The following LYSMD2 variants were observed in gnomAD, a reference collection of about 807,000 sequenced individuals.
LYSMD2 encodes LysM domain containing 2.
Under a neutral mutation model 17.7 loss-of-function variants are expected in LYSMD2, and 6 were observed. That is an observed-to-expected ratio of 0.34 (90% CI 0.19 to 0.67). LYSMD2 has a LOEUF of 0.67. Ranked by LOEUF, LYSMD2 falls within the 30% of genes least tolerant of loss-of-function variation. LYSMD2 has a pLI of 0.69. For missense variants in LYSMD2, 237 were observed against 286.7 expected, an observed-to-expected ratio of 0.83 and a Z score of 1.25; for synonymous variants, 102 against 129.8, an observed-to-expected ratio of 0.79 and a Z score of 1.45.
At chr15:51,729,898 T>C (rs2096693304) in intron 1 of LYSMD2, among the ~76,000 whole-genome samples, 1 of 152,246 alleles carries the variant, frequency 6.6e-6, no homozygotes, top group South Asian at 2.1e-4. Flanking sequence ...ACCTACCCTC[T>C]GTTCAACACT....
chr15:51,741,795 C>G (rs2055644097), upstream of LYSMD2, among the ~76,000 whole-genome samples: 1 of 152,004 alleles, frequency 6.6e-6, no homozygotes, highest in East Asian at 1.9e-4. Flanking sequence ...TGGCAGGTGC[C>G]TGTAATCCCA....
intron 1 of LYSMD2, among the ~76,000 whole-genome samples, chr15:51,728,446 G>A (rs532017662): frequency 6.7e-6 from 1 of 150,252 alleles, no homozygotes; most frequent in Non-Finnish European, 1.5e-5. Context: ...TGGCACACAA[G>A]AAGTACTCAA....
intron 1 of LYSMD2, among the ~76,000 whole-genome samples, chr15:51,730,198 A>C (rs1198208521): frequency 6.6e-6 from 1 of 152,202 alleles, no homozygotes; most frequent in African/African-American, 2.4e-5. Context: ...TCAATAACTT[A>C]AAAACAACGT....
At chr15:51,724,370 C>CACT (rs1410286703) in intron 2 of LYSMD2, among the ~76,000 whole-genome samples, 34 of 152,272 alleles carry the variant, frequency 2.2e-4, no homozygotes, top group Admixed American at 2.1e-3. Context: ...TTTTCTATGA[C>CACT]ACTACTTCTC....
intron 1 of LYSMD2, among the ~76,000 whole-genome samples, chr15:51,731,819 C>G (rs764900376): frequency 2.2e-4 from 33 of 152,160 alleles, no homozygotes; most frequent in Non-Finnish European, 3.8e-4. Flanking sequence ...TTGACTCTAA[C>G]TGAGAGGAGC....
At chr15:51,751,332 A>G in exon 1 of LYSMD2, 1 of 702,078 alleles carries the variant, frequency 1.4e-6, no homozygotes, top group Non-Finnish European at 2.6e-6. Flanking sequence ...TGCTCATCAC[A>G]GGCTTGAAAG....
At chr15:51,738,605 T>C (rs1205966261), upstream of LYSMD2, among the ~76,000 whole-genome samples, 1 of 152,156 alleles carries the variant, frequency 6.6e-6, no homozygotes, top group Non-Finnish European at 1.5e-5. Flanking sequence ...TGGGTACACA[T>C]TTACTAGCAT....
intron 1 of LYSMD2, among the ~76,000 whole-genome samples, chr15:51,746,025 C>G (rs879840513): frequency 6.6e-6 from 1 of 152,192 alleles, no homozygotes; most frequent in Non-Finnish European, 1.5e-5. Flanking sequence ...GGTGCAGATA[C>G]TTTGGAAAAC....
Position 51,724,912 on chromosome 15 carries a change from A to G in LYSMD2, c.483T>C (p.Pro161=). 1.2e-6 allele frequency: 2 copies of G among 1,614,102 alleles called. No individual in the cohort carries two copies. Among genetic ancestry groups the G allele is most frequent in the South Asian group, 1.1e-5 (1 of 91,072 alleles). The part of the protein sequence containing the change: ...VAGEDLPPPS[P]QESDVQPVQP... ...GCACAGGCTGAACATCAGATTCTTGAGGACTGGGAGGAGGGAGGTCTTCCC... is the reference window on the plus strand; with the variant it reads ...GCACAGGCTGAACATCAGATTCTTGGGGACTGGGAGGAGGGAGGTCTTCCC... The change falls in exon 2 of 3, where the codon CCT becomes CCC. Residue 161 remains proline, a synonymous_variant. Coordinates refer to ENST00000267838, the MANE Select transcript of LYSMD2 (RefSeq NM_153374.3).
chr15:51,737,828 C>T, upstream of LYSMD2: 1 of 328,506 alleles, frequency 3.0e-6, no homozygotes, highest in South Asian at 1.5e-4. This position sits in a 1 kb window ranked among gnomAD's most constrained non-coding sequence, Gnocchi z 4.2. Context: ...CGGGCGCCCG[C>T]GGCACACGCA....
intron 1 of LYSMD2, among the ~76,000 whole-genome samples, chr15:51,750,833 T>G (rs1402814664): frequency 6.6e-6 from 1 of 152,162 alleles, no homozygotes; most frequent in African/African-American, 2.4e-5. Context: ...GTGAACGGGC[T>G]CAACGACTAA....
intron 1 of LYSMD2, among the ~76,000 whole-genome samples, chr15:51,747,400 A>G (rs1290436290): frequency 6.6e-6 from 1 of 152,070 alleles, no homozygotes; most frequent in Non-Finnish European, 1.5e-5. Flanking sequence ...CTAAGGCAGG[A>G]GAATCGCTTG....
Position 51,736,678 on chromosome 15 carries a change from T to C in LYSMD2, c.273+672A>G, listed in dbSNP as rs186050137. Among the ~76,000 whole-genome samples, 205 of 152,342 alleles carry C rather than the reference T, an allele frequency of 1.3e-3. 1 individual carries two copies. Among genetic ancestry groups the C allele is most frequent in the African/African-American group, 4.7e-3 (196 of 41,578 alleles). ...AACAATTTGTTCCCTCAGGTTTCCA[T>C]GTTCTTCCCAGAGGTGTAATGCTAT... is the stretch of plus-strand genomic sequence containing the variant. On this transcript the variant is annotated intron_variant, in intron 1 of 2. Coordinates refer to ENST00000267838, the MANE Select transcript of LYSMD2 (RefSeq NM_153374.3).
In LYSMD2 at chr15:51,737,151, G is replaced by A. The variant is rs899942729; in HGVS notation, c.273+199C>T. Among the ~76,000 whole-genome samples the A allele has an allele frequency of 1.3e-5, 2 of 152,190 alleles. No homozygotes were observed. The highest frequency in any genetic ancestry group is 4.8e-5 in the African/African-American group (2 of 41,448). On this transcript the variant is annotated intron_variant, in intron 1 of 2. Transcript: ENST00000267838. The surrounding 1 kb of genome is among the most constrained non-coding windows in gnomAD (Gnocchi z 4.2). The stretch of plus-strand genomic sequence containing the variant: ...CCCTCCCGCTGCAGGACCAGCTTTG[G>A]CGACCACTGCGGTGGCCAGCAGCGC...
At chr15:51,731,368 A>C (rs78704967) in intron 1 of LYSMD2, among the ~76,000 whole-genome samples, 1 of 152,246 alleles carries the variant, frequency 6.6e-6, no homozygotes, top group Admixed American at 6.5e-5. Flanking sequence ...AAGGGTCAGC[A>C]ATCTCCACCA....
At chr15:51,724,487 C>G (rs1257732212) in intron 2 of LYSMD2, among the ~76,000 whole-genome samples, 1 of 152,008 alleles carries the variant, frequency 6.6e-6, no homozygotes, top group Non-Finnish European at 1.5e-5. Context: ...TAGTAAATAA[C>G]AGATAAAAAC....
chr15:51,730,636 A>G (rs1052179055), intron 1 of LYSMD2, among the ~76,000 whole-genome samples: 3 of 152,230 alleles, frequency 2.0e-5, no homozygotes, highest in Non-Finnish European at 4.4e-5. Flanking sequence ...AACTCTTCCC[A>G]TCTTGGGCCA....
chr15:51,737,636 G>A lies in LYSMD2; in HGVS notation c.-14C>T. ...GGAATCCGCCATGGGTCCTGCCGAG[G>A]CCGCCGGGTCGGGGAGCTTGCCAAG... On this transcript the variant is annotated 5_prime_UTR_variant, in exon 1 of 3. Coordinates refer to ENST00000267838, the MANE Select transcript of LYSMD2 (RefSeq NM_153374.3). This position sits in a 1 kb window ranked among gnomAD's most constrained non-coding sequence, Gnocchi z 4.2. 8.3e-7 allele frequency: 1 copy of A among 1,205,310 alleles called. No homozygotes were observed. The highest frequency in any genetic ancestry group is 1.0e-6 in the Non-Finnish European group (1 of 971,100). The allele number at this position is 1,205,310 out of a possible 1,614,324, so 74.7% of individuals were successfully genotyped here.
At chr15:51,734,102 G>C (rs1181635593) in intron 1 of LYSMD2, among the ~76,000 whole-genome samples, 1 of 152,148 alleles carries the variant, frequency 6.6e-6, no homozygotes, top group Non-Finnish European at 1.5e-5. Flanking sequence ...AGAATAGCTT[G>C]AACCCGGGAG....
Sources: allele counts gnomAD v4.1 joint callset (sites outside exome capture counted in the v4.1 genomes callset), GRCh38; gene constraint gnomAD v4.1.1; non-coding constraint Gnocchi (gnomAD v3.1); transcripts MANE v1.5; gene names NCBI Gene and HGNC (gene_info 2026-07-23, HGNC 2026-07-21).